SRRM4: variants seen among roughly 807,000 people sequenced by gnomAD.
SRRM4 encodes serine/arginine repetitive matrix 4, also known as serine/arginine repetitive matrix protein 4.
Under a neutral mutation model 68.9 loss-of-function variants are expected in SRRM4, and 33 were observed. The observed-to-expected ratio is 0.48, with a 90% CI of 0.36 to 0.64. SRRM4 has a LOEUF of 0.64. SRRM4 is among the 30% of genes least tolerant of loss of function. The pLI, the probability that SRRM4 is intolerant of heterozygous loss-of-function variation, is 0.00. For missense variants in SRRM4, 817 were observed against 827.1 expected, an observed-to-expected ratio of 0.99 and a Z score of 0.15; for synonymous variants, 318 against 318.8, an observed-to-expected ratio of 1.00 and a Z score of 0.03.
chr12:119,090,994 C>T (rs532635119), intron 1 of SRRM4, among the ~76,000 whole-genome samples: 3 of 152,340 alleles, frequency 2.0e-5, no homozygotes, highest in East Asian at 1.9e-4. Context: ...AAGCCCAGAC[C>T]GCAGGAGCTC....
chr12:119,020,580 C>A (rs1380726219), intron 1 of SRRM4, among the ~76,000 whole-genome samples: 2 of 152,104 alleles, frequency 1.3e-5, no homozygotes, highest in African/African-American at 4.8e-5. Flanking sequence ...GGATAAGAGT[C>A]CTGACGGAGG....
intron 1 of SRRM4, among the ~76,000 whole-genome samples, chr12:119,052,693 T>A (rs908837127): frequency 6.6e-6 from 1 of 152,082 alleles, no homozygotes; most frequent in African/African-American, 2.4e-5. Flanking sequence ...CACCCCGGAC[T>A]AATTTTTTGT....
intron 1 of SRRM4, among the ~76,000 whole-genome samples, chr12:119,025,753 AT>A (rs1324134337): frequency 1.3e-5 from 2 of 151,896 alleles, no homozygotes; most frequent in Admixed American, 1.3e-4. Flanking sequence ...TCATATACGG[AT>A]TTTACTAGGG....
chr12:118,986,183 G>A (rs371838515), intron 1 of SRRM4, among the ~76,000 whole-genome samples: 1 of 152,196 alleles, frequency 6.6e-6, no homozygotes, highest in South Asian at 2.1e-4. Flanking sequence ...AGTTTGTGCT[G>A]ACTTGATCAT....
chr12:119,078,095 G>A (rs772202477), intron 1 of SRRM4, among the ~76,000 whole-genome samples: 2 of 152,168 alleles, frequency 1.3e-5, no homozygotes, highest in Admixed American at 6.5e-5. Flanking sequence ...GACAACATAA[G>A]CAGCTTGAGG....
chr12:119,018,940 C>T (rs1953497772), intron 1 of SRRM4, among the ~76,000 whole-genome samples: 2 of 152,174 alleles, frequency 1.3e-5, no homozygotes, highest in Non-Finnish European at 2.9e-5. Context: ...ATTTGTGAAT[C>T]TCCTTCAGAA....
chr12:119,138,376 C>T (rs1304152507), intron 8 of SRRM4, among the ~76,000 whole-genome samples: 3 of 152,142 alleles, frequency 2.0e-5, no homozygotes, highest in South Asian at 2.1e-4. Flanking sequence ...TATATAGATC[C>T]TCACCCTCTG....
chr12:119,057,025 AGAT>A (rs2136019566), intron 1 of SRRM4, among the ~76,000 whole-genome samples: 1 of 152,318 alleles, frequency 6.6e-6, no homozygotes, highest in South Asian at 2.1e-4. Context: ...CCCATTCAAC[AGAT>A]GATAAGATAT....
At chr12:119,020,689 G>C (rs59060630) in intron 1 of SRRM4, among the ~76,000 whole-genome samples, 6,059 of 152,302 alleles carry the variant, frequency 0.04, 198 homozygotes, top group East Asian at 0.13. Context: ...GACAGGCCCG[G>C]TGTGAAAGCG....
intron 1 of SRRM4, among the ~76,000 whole-genome samples, chr12:119,041,086 A>C (rs1953665774): frequency 6.6e-6 from 1 of 152,156 alleles, no homozygotes; most frequent in Non-Finnish European, 1.5e-5. Context: ...ATATCCAGGC[A>C]TCATGTTAAG....
chr12:118,989,154 G>A (rs1201848546), intron 1 of SRRM4, among the ~76,000 whole-genome samples: 2 of 151,080 alleles, frequency 1.3e-5, no homozygotes, highest in Non-Finnish European at 3.0e-5. Flanking sequence ...TCCCAGGAGG[G>A]TTCTTGCCTT....
chr12:119,077,858 A>G (rs999829903), intron 1 of SRRM4, among the ~76,000 whole-genome samples: 4 of 152,150 alleles, frequency 2.6e-5, no homozygotes, highest in African/African-American at 9.7e-5. Context: ...AATAAGAGTG[A>G]TTTTAGGGGA....
At chr12:118,993,186 T>A (rs1424564475) in intron 1 of SRRM4, among the ~76,000 whole-genome samples, 1 of 152,144 alleles carries the variant, frequency 6.6e-6, no homozygotes, top group African/African-American at 2.4e-5. Context: ...AATGCCCTCA[T>A]GCCACTGTGG....
chr12:119,109,465 T>C (rs1378544097), intron 2 of SRRM4, among the ~76,000 whole-genome samples: 1 of 152,338 alleles, frequency 6.6e-6, no homozygotes, highest in South Asian at 2.1e-4. Context: ...CAATCAGACA[T>C]AGATTTGGTC....
chr12:119,078,809 A>G (rs1474172744), intron 1 of SRRM4, among the ~76,000 whole-genome samples: 2 of 152,214 alleles, frequency 1.3e-5, no homozygotes, highest in Admixed American at 1.3e-4. Context: ...ATGTGCCTGT[A>G]GTCCCAGCTA....
chr12:119,096,120 A>T (rs1209962228), intron 1 of SRRM4, among the ~76,000 whole-genome samples: 1 of 151,044 alleles, frequency 6.6e-6, no homozygotes, highest in Admixed American at 6.6e-5. Context: ...TTCCAGGTTC[A>T]TGCCATTCTC....
chr12:118,982,366 G>A (rs1009847538), intron 1 of SRRM4, among the ~76,000 whole-genome samples: 1 of 152,180 alleles, frequency 6.6e-6, no homozygotes. Flanking sequence ...TGGTGGATTT[G>A]AGATGTTTGG....
intron 1 of SRRM4, chr12:119,031,187 GC>G (rs1361064588): frequency 2.0e-5 from 3 of 152,206 alleles, no homozygotes; most frequent in Non-Finnish European, 4.4e-5. Flanking sequence ...GGAAGGGTCT[GC>G]TTTCATGTTC....
chr12:119,130,885 G>A, intron 8 of SRRM4, 51 bp downstream of exon 8: 2 of 1,566,382 alleles, frequency 1.3e-6, no homozygotes, highest in South Asian at 2.3e-5. Flanking sequence ...GACACTTGGG[G>A]AATGTGGAGG....
Sources: allele counts gnomAD v4.1 joint callset (sites outside exome capture counted in the v4.1 genomes callset), GRCh38; gene constraint gnomAD v4.1.1; transcripts MANE v1.5; gene names NCBI Gene and HGNC (gene_info 2026-07-23, HGNC 2026-07-21).